The following SLMAP variants were observed in gnomAD, a reference collection of about 807,000 sequenced individuals.
SLMAP encodes the protein sarcolemmal membrane-associated protein.
Under a neutral mutation model 128.8 loss-of-function variants are expected in SLMAP, and 44 were observed. The ratio of observed to expected loss-of-function variants is 0.34; its 90% CI spans 0.27 to 0.44. SLMAP has a LOEUF of 0.44. Among genes scored for constraint, SLMAP ranks in the 20% least tolerant of loss-of-function variants. The probability of loss-of-function intolerance (pLI) is 1.00; values close to 1 mark genes in which losing one functional copy is unlikely to be tolerated. For missense variants in SLMAP, 787 were observed against 985.3 expected, an observed-to-expected ratio of 0.80 and a Z score of 2.69; for synonymous variants, 327 against 348.8, an observed-to-expected ratio of 0.94 and a Z score of 0.70.
chr3:57,897,727 G>C (rs931764208), intron 17 of SLMAP: 8 of 151,942 alleles, frequency 5.3e-5, no homozygotes, highest in African/African-American at 1.9e-4. Flanking sequence ...AGAAATTTTA[G>C]ATGTTGATAA....
At chr3:57,910,860 T>C (rs1165367189) in intron 19 of SLMAP, among the ~76,000 whole-genome samples, 1 of 152,164 alleles carries the variant, frequency 6.6e-6, no homozygotes, top group Non-Finnish European at 1.5e-5. Context: ...GGGAGAGTCA[T>C]TGTACGAGGC....
At chr3:57,768,637 G>T (rs772240976) in intron 2 of SLMAP, among the ~76,000 whole-genome samples, 10 of 152,160 alleles carry the variant, frequency 6.6e-5, no homozygotes, top group Non-Finnish European at 1.2e-4. Context: ...TTTTATGTCA[G>T]TGTGGCTAGG....
chr3:57,867,680 C>T (rs915643401), intron 13 of SLMAP, among the ~76,000 whole-genome samples: 1 of 152,030 alleles, frequency 6.6e-6, no homozygotes, highest in African/African-American at 2.4e-5. Flanking sequence ...TAATAATGAA[C>T]CAATTTTCAA....
chr3:57,853,854 T>G (rs541928202), intron 6 of SLMAP, among the ~76,000 whole-genome samples: 1 of 148,060 alleles, frequency 6.8e-6, no homozygotes, highest in Non-Finnish European at 1.5e-5. Context: ...GGCAGGAGAA[T>G]GACTTGGACC....
Position 57,857,793 on chromosome 3 carries a change from G to A in SLMAP, c.580G>A (p.Ala194Thr). 4 of 1,613,792 alleles carry A rather than the reference G, an allele frequency of 2.5e-6. No homozygotes were observed. The highest frequency in any genetic ancestry group is 3.4e-6 in the Non-Finnish European group (4 of 1,179,676). ...GTTAGCCACGCTTCAGCGGCTACTA[G>A]CCATCACCCAAGAGGCTTCAGATAC... ...QKLATLQRLL[A>T]ITQEASDTSW... Residue 194 changes from alanine (A) to threonine (T), a missense_variant, in exon 7 of 25, where the codon GCC becomes ACC. Ala to Thr is a moderately conservative substitution (Grantham distance 58, BLOSUM62 0). Transcript: ENST00000671191.
intron 13 of SLMAP, among the ~76,000 whole-genome samples, chr3:57,869,728 A>G (rs2095437705): frequency 1.4e-5 from 2 of 147,324 alleles, no homozygotes; most frequent in African/African-American, 5.0e-5. Flanking sequence ...TTCAATATTA[A>G]TAAATATTAA....
chr3:57,919,053 A>G (rs912679825), intron 22 of SLMAP, among the ~76,000 whole-genome samples: 9 of 152,226 alleles, frequency 5.9e-5, no homozygotes, highest in Non-Finnish European at 1.0e-4. Flanking sequence ...GGCAGCTTTT[A>G]TGTGAATATT....
chr3:57,862,267 G>A (rs1451075807), intron 10 of SLMAP, among the ~76,000 whole-genome samples, 181 bp downstream of exon 10: 1 of 151,894 alleles, frequency 6.6e-6, no homozygotes, highest in Non-Finnish European at 1.5e-5. Context: ...GCAGCGAGCT[G>A]AGATCACGTC....
intron 2 of SLMAP, among the ~76,000 whole-genome samples, chr3:57,770,113 T>G (rs2080531189): frequency 6.6e-6 from 1 of 152,238 alleles, no homozygotes. Context: ...GAACCCAAAC[T>G]GGGGCCATTA....
intron 15 of SLMAP, among the ~76,000 whole-genome samples, chr3:57,895,667 T>C (rs1186755324): frequency 2.6e-5 from 4 of 151,788 alleles, no homozygotes; most frequent in African/African-American, 7.3e-5. Flanking sequence ...CTTGGCCAGG[T>C]GCAGTGGCTC....
chr3:57,895,385 G>C (rs911066277), intron 15 of SLMAP, among the ~76,000 whole-genome samples: 1 of 151,748 alleles, frequency 6.6e-6, no homozygotes, highest in Non-Finnish European at 1.5e-5. Context: ...ACCCAGGCTG[G>C]AGTGCAGTGG....
intron 2 of SLMAP, among the ~76,000 whole-genome samples, chr3:57,814,123 C>T (rs1395574527): frequency 1.3e-5 from 2 of 150,876 alleles, no homozygotes; most frequent in Non-Finnish European, 2.9e-5. Flanking sequence ...ATTTTTTCTC[C>T]CCGCAATACT....
rs144835609 is a variant in SLMAP, at chr3:57,806,364, C to G, written c.199-25019C>G. ...TGATGGCTTCCAGCTTCACCCATGT[C>G]CCTGCAGAGGATATGATCTCATTCC... On this transcript the variant is annotated intron_variant, in intron 2 of 24. Coordinates refer to ENST00000671191, the MANE Select transcript of SLMAP (RefSeq NM_001377540.1). Among the ~76,000 whole-genome samples the G allele has an allele frequency of 4.6e-5, 7 of 152,246 alleles. No homozygotes were observed. In the East Asian group the frequency reaches 1.4e-3, roughly 29 times the overall value.
intron 2 of SLMAP, among the ~76,000 whole-genome samples, chr3:57,822,027 C>T (rs1436193051): frequency 6.6e-6 from 1 of 152,090 alleles, no homozygotes; most frequent in Non-Finnish European, 1.5e-5. Context: ...TATTTCCCAC[C>T]AGGCTCTCAG....
At chr3:57,763,879 A>G (rs961935266) in intron 2 of SLMAP, among the ~76,000 whole-genome samples, 1 of 152,138 alleles carries the variant, frequency 6.6e-6, no homozygotes, top group African/African-American at 2.4e-5. Context: ...AAAAGCAGAT[A>G]ATTTTGAATG....
chr3:57,924,036 T>C (rs1021927384), intron 23 of SLMAP, among the ~76,000 whole-genome samples: 22 of 148,438 alleles, frequency 1.5e-4, no homozygotes, highest in Non-Finnish European at 2.6e-4. Context: ...CAGATCATAA[T>C]GGTTTGGTTA....
chr3:57,896,454 T>C (rs1448893122), intron 15 of SLMAP, 57 bp from the exon 16 acceptor site: 3 of 1,509,812 alleles, frequency 2.0e-6, no homozygotes, highest in African/African-American at 2.8e-5. Context: ...GAAGCAGTTT[T>C]ATTGATATAA....
At chr3:57,850,394 G>A (rs2094457823) in intron 6 of SLMAP, among the ~76,000 whole-genome samples, 1 of 152,060 alleles carries the variant, frequency 6.6e-6, no homozygotes, top group Admixed American at 6.6e-5. Flanking sequence ...AGTATGAGGA[G>A]GTTCCAAAAC....
At chr3:57,786,434 A>G (rs1381868218) in intron 2 of SLMAP, among the ~76,000 whole-genome samples, 4 of 152,320 alleles carry the variant, frequency 2.6e-5, no homozygotes, top group Non-Finnish European at 5.9e-5. Flanking sequence ...GCATAATGCA[A>G]TTGGTTAGGG....
Sources: allele counts gnomAD v4.1 joint callset (sites outside exome capture counted in the v4.1 genomes callset), GRCh38; gene constraint gnomAD v4.1.1; transcripts MANE v1.5; gene names NCBI Gene and HGNC (gene_info 2026-07-23, HGNC 2026-07-21).